OTOGL: variants seen among roughly 807,000 people sequenced by gnomAD.
OTOGL encodes otogelin like.
A neutral mutation model predicts 318.5 loss-of-function variants in OTOGL; 285 were observed. The ratio of observed to expected loss-of-function variants is 0.89; its 90% CI spans 0.81 to 0.99. The LOEUF (loss-of-function observed/expected upper bound fraction) is 0.99. Among genes scored for constraint, OTOGL ranks in the 50% least tolerant of loss-of-function variants. The probability of loss-of-function intolerance (pLI) is 0.00; values close to 1 mark genes in which losing one functional copy is unlikely to be tolerated. For missense variants in OTOGL, 2,899 were observed against 2,845.6 expected (o/e 1.02, Z -0.43); for synonymous variants, 987 against 936.5 (o/e 1.05, Z -0.99).
chr12:80,189,485 C>T (rs1258019689), intron 1 of OTOGL: 2 of 980,844 alleles, frequency 2.0e-6, no homozygotes, highest in Non-Finnish European at 2.4e-6. Context: ...ACTTCTCCTG[C>T]CCCCTTTAGC....
At chr12:80,273,960 T>A (rs993880107) in intron 24 of OTOGL, among the ~76,000 whole-genome samples, 1 of 152,018 alleles carries the variant, frequency 6.6e-6, no homozygotes, top group Non-Finnish European at 1.5e-5. Context: ...GATGGAAAAA[T>A]TAATTGATGA....
intron 1 of OTOGL, among the ~76,000 whole-genome samples, chr12:80,172,307 A>G (rs1874255614): frequency 6.6e-6 from 1 of 152,192 alleles, no homozygotes; most frequent in East Asian, 1.9e-4. Context: ...TTGAGCCCCT[A>G]GAGTATGTTA....
In OTOGL at chr12:80,145,123, T is replaced by C. The variant is rs530192790; in HGVS notation, c.-20+45518T>C. Among the ~76,000 whole-genome samples, 113 of 151,524 alleles carry C rather than the reference T, an allele frequency of 7.5e-4. 1 individual carries two copies. Among genetic ancestry groups the C allele is most frequent in the African/African-American group, 2.0e-3 (84 of 41,012 alleles). On this transcript the variant is annotated intron_variant, in intron 1 of 58. Coordinates refer to ENST00000547103, the MANE Select transcript of OTOGL (RefSeq NM_001378609.3). ...TGCTTTTGGTGTTTTAGACATGAAG[T>C]CCTTGCCCATGCCTATGTCCTGAAT... is the stretch of plus-strand genomic sequence containing the variant.
chr12:80,125,463 C>T (rs976746242), intron 1 of OTOGL, among the ~76,000 whole-genome samples: 45 of 152,182 alleles, frequency 3.0e-4, no homozygotes, highest in Non-Finnish European at 5.7e-4. Flanking sequence ...AGGATTTTTG[C>T]ATCGATGTTC....
At chr12:80,229,939 A>G (rs569270135) in intron 8 of OTOGL, among the ~76,000 whole-genome samples, 1 of 152,106 alleles carries the variant, frequency 6.6e-6, no homozygotes, top group African/African-American at 2.4e-5. Flanking sequence ...CTATCTGCCA[A>G]AAATATGACA....
chr12:80,370,596 C>T lies in OTOGL; in HGVS notation c.6642C>T (p.Cys2214=). ...YAVGSTWHYN[C]TTYECVKTDE... ...TAGGGAGTACCTGGCACTACAATTGCACCACATATGAATGTGTTAAAACTG... is the reference window on the plus strand; with the variant it reads ...TAGGGAGTACCTGGCACTACAATTGTACCACATATGAATGTGTTAAAACTG... Residue 2214 remains cysteine (C), a synonymous_variant, in exon 56 of 59, where the codon TGC becomes TGT. Transcript: ENST00000547103. The T allele has an allele frequency of 6.4e-7, 1 of 1,559,318 alleles. No homozygotes were observed. Among genetic ancestry groups the T allele is most frequent in the Non-Finnish European group, 8.7e-7 (1 of 1,153,566 alleles).
intron 9 of OTOGL, among the ~76,000 whole-genome samples, chr12:80,235,340 C>T (rs1202735514): frequency 6.6e-6 from 1 of 151,728 alleles, no homozygotes; most frequent in Admixed American, 6.6e-5. Flanking sequence ...TGGCAGACAC[C>T]TATAATCCCA....
intron 1 of OTOGL, among the ~76,000 whole-genome samples, chr12:80,122,669 C>T (rs1425259051): frequency 6.6e-6 from 1 of 152,128 alleles, no homozygotes; most frequent in Non-Finnish European, 1.5e-5. Flanking sequence ...TGTCATTCCC[C>T]AGATGCTGTC....
intron 1 of OTOGL, among the ~76,000 whole-genome samples, chr12:80,107,260 G>A (rs1019134433): frequency 2.0e-5 from 3 of 152,074 alleles, no homozygotes; most frequent in African/African-American, 7.2e-5. Flanking sequence ...TAAAAGGTGG[G>A]CAAAGGACAT....
At chr12:80,174,407 G>T (rs1874397341) in intron 1 of OTOGL, among the ~76,000 whole-genome samples, 1 of 152,130 alleles carries the variant, frequency 6.6e-6, no homozygotes, top group Non-Finnish European at 1.5e-5. Flanking sequence ...TGATTTGTTT[G>T]CAAAAACAAG....
chr12:80,253,672 A>C lies in OTOGL; in HGVS notation c.1394+98A>C, dbSNP rs75468371. The C allele has an allele frequency of 5.1e-5, 47 of 916,798 alleles. No homozygotes were observed. In the African/African-American group the frequency reaches 7.2e-4, roughly 14 times the overall value. The allele number at this position is 916,798 out of a possible 1,614,324, so 56.8% of individuals were successfully genotyped here. A position where few individuals can be genotyped will look rare whatever the true frequency, so the allele number is the denominator to read the frequency against. On this transcript the variant is annotated intron_variant, in intron 14 of 58. Transcript: ENST00000547103. ...AAAGGAATATACTCATTACTAATTT[A>C]CTTCCCAAATTCCAACACAAAACTT... is the stretch of plus-strand genomic sequence containing the variant.
chr12:80,230,346 T>A (rs749708856), intron 8 of OTOGL, among the ~76,000 whole-genome samples: 20 of 152,146 alleles, frequency 1.3e-4, no homozygotes, highest in Non-Finnish European at 2.1e-4. Context: ...ATTTTCTTGG[T>A]CAGTTGGGTT....
At chr12:80,325,944 G>A (rs1887652040) in intron 35 of OTOGL, among the ~76,000 whole-genome samples, 1 of 152,122 alleles carries the variant, frequency 6.6e-6, no homozygotes, top group African/African-American at 2.4e-5. Context: ...CAGTGTATTG[G>A]GCTGTAGCTG....
rs552428489 is a variant in OTOGL at position 80,252,345 on chromosome 12, G to C, written c.1285+144G>C. On this transcript the variant is annotated intron_variant, in intron 13 of 58. Coordinates refer to ENST00000547103, the MANE Select transcript of OTOGL (RefSeq NM_001378609.3). ...GTTCTTGTAGAAGTTGGTCCTTGAA[G>C]TGACAAGGAGGAATGGCTACTTTTC... is the stretch of plus-strand genomic sequence containing the variant. 623 of 886,908 alleles carry C rather than the reference G, an allele frequency of 7.0e-4. 5 individuals carry two copies. The African/African-American group carries it at 1.0e-2, about 14-fold the overall frequency. 54.9% of individuals were successfully genotyped at this position (886,908 alleles called of 1,614,324 possible).
At chr12:80,193,351 A>G (rs1875827561) in intron 1 of OTOGL, among the ~76,000 whole-genome samples, 1 of 152,066 alleles carries the variant, frequency 6.6e-6, no homozygotes, top group African/African-American at 2.4e-5. Flanking sequence ...CCCCATCTGT[A>G]CTAAAAATAC....
At chr12:80,301,993 T>C (rs1293328278) in intron 27 of OTOGL, among the ~76,000 whole-genome samples, 2 of 152,234 alleles carry the variant, frequency 1.3e-5, no homozygotes, top group East Asian at 3.8e-4. Flanking sequence ...ATTTCACAGA[T>C]AGAAGATTCC....
chr12:80,372,302 C>T (rs1478631175), intron 57 of OTOGL, among the ~76,000 whole-genome samples: 2 of 151,876 alleles, frequency 1.3e-5, no homozygotes, highest in African/African-American at 4.8e-5. Context: ...TCTTTAACTT[C>T]TGGAGTGTAA....
chr12:80,251,081 A>G (rs1256320501), intron 11 of OTOGL, among the ~76,000 whole-genome samples: 9 of 152,342 alleles, frequency 5.9e-5, no homozygotes, highest in Admixed American at 5.2e-4. Flanking sequence ...AAACAACCCA[A>G]TTGCCCATCA....
chr12:80,151,497 C>T (rs1398953856), intron 1 of OTOGL, among the ~76,000 whole-genome samples: 2 of 151,854 alleles, frequency 1.3e-5, no homozygotes, highest in African/African-American at 4.8e-5. Flanking sequence ...TAAGCTCTCT[C>T]TAAAAAAAAT....
Sources: allele counts gnomAD v4.1 joint callset (sites outside exome capture counted in the v4.1 genomes callset), GRCh38; gene constraint gnomAD v4.1.1; transcripts MANE v1.5; gene names NCBI Gene and HGNC (gene_info 2026-07-23, HGNC 2026-07-21).